CNTNAP2: variants seen among roughly 807,000 people sequenced by gnomAD.
The protein encoded by CNTNAP2 is contactin associated protein 2, also known as contactin-associated protein-like 2.
CNTNAP2 carries 98 observed loss-of-function variants against 155.2 expected under a neutral mutation model. The ratio of observed to expected loss-of-function variants is 0.63; its 90% CI spans 0.54 to 0.75. The LOEUF is 0.75. CNTNAP2 is among the 30% of genes least tolerant of loss of function. CNTNAP2 has a pLI of 0.00. For missense variants in CNTNAP2, 1,727 were observed against 1,688.1 expected (o/e 1.02, Z -0.40); for synonymous variants, 651 against 631.2 (o/e 1.03, Z -0.47).
chr7:147,069,897 C>A (rs942803989), intron 4 of CNTNAP2, among the ~76,000 whole-genome samples: 2 of 152,112 alleles, frequency 1.3e-5, no homozygotes, highest in East Asian at 3.9e-4. Context: ...TTGTTATTAA[C>A]TAATTTAAAT....
chr7:147,475,205 T>C (rs765259789), intron 10 of CNTNAP2, among the ~76,000 whole-genome samples: 2 of 152,208 alleles, frequency 1.3e-5, no homozygotes, highest in Non-Finnish European at 2.9e-5. Flanking sequence ...TTTTTAAATA[T>C]GATTTGGGGA....
At chr7:146,659,713 A>G (rs892461436) in intron 1 of CNTNAP2, among the ~76,000 whole-genome samples, 1 of 152,238 alleles carries the variant, frequency 6.6e-6, no homozygotes, top group Non-Finnish European at 1.5e-5. Flanking sequence ...TCACGTCTTA[A>G]TAACTTTGAG....
At chr7:147,609,012 T>C (rs1436657612) in intron 12 of CNTNAP2, among the ~76,000 whole-genome samples, 1 of 152,136 alleles carries the variant, frequency 6.6e-6, no homozygotes, top group African/African-American at 2.4e-5. Context: ...ACTTCTTTTG[T>C]GATTCTTCAG....
Position 146,716,770 on chromosome 7 carries a change from A to C in CNTNAP2, c.98-57501A>C, listed in dbSNP as rs530059497. ...GATCAAAGGAGATCAATATGTGAGC[A>C]TGCTTTGCAATCTTTAAGCAGGAAG... On this transcript the variant is annotated intron_variant, in intron 1 of 23. Coordinates refer to ENST00000361727, the MANE Select transcript of CNTNAP2 (RefSeq NM_014141.6). 1.2e-4 allele frequency among the ~76,000 whole-genome samples: 18 copies of C among 152,346 alleles called. No homozygotes were observed. The South Asian group carries it at 3.5e-3, about 30-fold the overall frequency.
intron 13 of CNTNAP2, among the ~76,000 whole-genome samples, chr7:147,812,690 C>G (rs1563098128): frequency 6.6e-6 from 1 of 152,124 alleles, no homozygotes; most frequent in Non-Finnish European, 1.5e-5. Context: ...AGGCGCTCCT[C>G]AGAGAGAGTT....
intron 13 of CNTNAP2, among the ~76,000 whole-genome samples, chr7:147,802,830 A>G (rs1417922918): frequency 2.7e-5 from 4 of 150,686 alleles, no homozygotes; most frequent in African/African-American, 9.8e-5. Flanking sequence ...GGAGAGGGAG[A>G]GCTCTATGAA....
intron 21 of CNTNAP2, among the ~76,000 whole-genome samples, chr7:148,363,106 C>T (rs1480101304): frequency 6.6e-6 from 1 of 152,176 alleles, no homozygotes; most frequent in Non-Finnish European, 1.5e-5. Flanking sequence ...CTCAGCCTCC[C>T]GAGTAGCTGG....
rs190684560 is a variant in CNTNAP2 at position 146,829,203 on chromosome 7, C to T, written c.209-10508C>T. The stretch of plus-strand genomic sequence containing the variant: ...CTGTAAGTCTGTTTCTCACAACTGA[C>T]ACTCTGCTTTTCCTGTGAAGAAATA... On this transcript the variant is annotated intron_variant, in intron 2 of 23. Transcript: ENST00000361727. 3.9e-5 allele frequency among the ~76,000 whole-genome samples: 6 copies of T among 152,148 alleles called. No individual in the cohort carries two copies. In the East Asian group the frequency reaches 1.2e-3, roughly 29 times the overall value.
chr7:147,407,384 C>G (rs75227126), intron 10 of CNTNAP2, among the ~76,000 whole-genome samples: 26,025 of 143,054 alleles, frequency 0.18, 2,592 homozygotes, highest in East Asian at 0.39. Flanking sequence ...AGAAGAATGG[C>G]GTGAACCCGG....
chr7:146,701,642 G>A (rs1435855126), intron 1 of CNTNAP2, among the ~76,000 whole-genome samples: 1 of 151,610 alleles, frequency 6.6e-6, no homozygotes, highest in African/African-American at 2.4e-5. Context: ...ATCATTCAAT[G>A]TGATTGTTAA....
chr7:146,779,271 A>T (rs1802441462), intron 2 of CNTNAP2, among the ~76,000 whole-genome samples: 1 of 152,202 alleles, frequency 6.6e-6, no homozygotes, highest in Non-Finnish European at 1.5e-5. Context: ...TTTTGGTTTT[A>T]AAGAAAAACA....
At chr7:147,544,640 T>C (rs1386777180) in intron 11 of CNTNAP2, among the ~76,000 whole-genome samples, 1 of 151,988 alleles carries the variant, frequency 6.6e-6, no homozygotes, top group Non-Finnish European at 1.5e-5. Context: ...ATATTATATA[T>C]ATATGTGATA....
chr7:147,101,297 G>C (rs928323623), intron 4 of CNTNAP2, among the ~76,000 whole-genome samples: 4 of 152,252 alleles, frequency 2.6e-5, no homozygotes, highest in African/African-American at 9.6e-5. Flanking sequence ...GTTTTAAGAC[G>C]GGAGAGTTCC....
chr7:147,607,988 T>G (rs1215297999), intron 12 of CNTNAP2, among the ~76,000 whole-genome samples: 2 of 152,218 alleles, frequency 1.3e-5, no homozygotes, highest in East Asian at 3.9e-4. Context: ...TTTACATTTT[T>G]AGGTTGGACC....
intron 1 of CNTNAP2, among the ~76,000 whole-genome samples, chr7:146,301,740 A>G (rs1349241332): frequency 6.6e-6 from 1 of 152,112 alleles, no homozygotes; most frequent in Non-Finnish European, 1.5e-5. Flanking sequence ...ATAAATGCAC[A>G]TGTACATTCA....
chr7:147,275,985 A>T (rs1360358438), intron 8 of CNTNAP2, among the ~76,000 whole-genome samples: 1 of 151,962 alleles, frequency 6.6e-6, no homozygotes, highest in Non-Finnish European at 1.5e-5. Context: ...AGGTTGAACC[A>T]TCCTTTGATT....
At chr7:147,497,722 A>G (rs1830343) in intron 11 of CNTNAP2, among the ~76,000 whole-genome samples, 133,884 of 152,188 alleles carry the variant, frequency 0.88, 59,089 homozygotes, top group African/African-American at 0.96. Context: ...ATCCCTACTC[A>G]GAAAATGAGC....
rs576230617 is a variant in CNTNAP2 at position 148,207,757 on chromosome 7, C to T, written c.3011-9531C>T. Among the ~76,000 whole-genome samples, 70 of 152,228 alleles carry T rather than the reference C, an allele frequency of 4.6e-4. 1 individual carries two copies. The South Asian group carries it at 0.015, about 32-fold the overall frequency. ...GGATGTAAGGCGGGTCACTGAAAGT[C>T]TGTGAAGGACAGATTATAGGAGGTA... On this transcript the variant is annotated intron_variant, in intron 18 of 23. Coordinates refer to ENST00000361727, the MANE Select transcript of CNTNAP2 (RefSeq NM_014141.6).
At chr7:148,293,145 C>G (rs534374823) in intron 21 of CNTNAP2, among the ~76,000 whole-genome samples, 2 of 152,162 alleles carry the variant, frequency 1.3e-5, no homozygotes, top group Admixed American at 6.5e-5. Context: ...CTAATGCTTT[C>G]TTTTTCTTTG....
Sources: gnomAD v4.1 joint callset for allele counts (sites outside exome capture counted in the v4.1 genomes callset) on GRCh38, gnomAD v4.1.1 for gene constraint, MANE v1.5 for transcripts, NCBI Gene and HGNC (gene_info 2026-07-23, HGNC 2026-07-21) for gene names.